The following DACH1 variants were observed in gnomAD, a reference collection of about 807,000 sequenced individuals.
DACH1 encodes the protein dachshund family transcription factor 1.
DACH1 carries 12 observed loss-of-function variants against 54.2 expected under a neutral mutation model. That is an observed-to-expected ratio of 0.22 (90% CI 0.14 to 0.36). The LOEUF (loss-of-function observed/expected upper bound fraction) is 0.36, where lower values mean the gene tolerates loss of function less well. DACH1 is among the 10% of genes least tolerant of loss of function. The probability of loss-of-function intolerance (pLI) is 1.00; values close to 1 mark genes in which losing one functional copy is unlikely to be tolerated. For missense variants in DACH1, 805 were observed against 929.8 expected (o/e 0.87, Z 1.75); for synonymous variants, 386 against 366.2 (o/e 1.05, Z -0.62).
At chr13:71,535,769 T>C (rs1318192499) in intron 6 of DACH1, among the ~76,000 whole-genome samples, 1 of 152,030 alleles carries the variant, frequency 6.6e-6, no homozygotes, top group African/African-American at 2.4e-5. Context: ...CAACTGGAAA[T>C]ATTTGTATAA....
intron 1 of DACH1, among the ~76,000 whole-genome samples, chr13:71,823,041 C>T (rs373697060): frequency 3.3e-5 from 5 of 151,928 alleles, no homozygotes; most frequent in East Asian, 1.9e-4. Context: ...AACACAAAAG[C>T]GGTGGCATGC....
intron 3 of DACH1, among the ~76,000 whole-genome samples, chr13:71,598,742 T>C (rs552126818): frequency 1.3e-4 from 20 of 152,342 alleles, no homozygotes; most frequent in Admixed American, 1.2e-3. Context: ...TCTTTCAAAT[T>C]GAACTATCAT....
intron 1 of DACH1, among the ~76,000 whole-genome samples, chr13:71,785,465 C>A (rs191871664): frequency 8.5e-5 from 13 of 152,202 alleles, no homozygotes; most frequent in Admixed American, 8.5e-4. Flanking sequence ...CATTGCTAAC[C>A]AGTTTTAAGA....
chr13:71,697,516 A>G (rs1461374261), intron 1 of DACH1, among the ~76,000 whole-genome samples: 1 of 152,228 alleles, frequency 6.6e-6, no homozygotes, highest in Non-Finnish European at 1.5e-5. Context: ...AGAATCATCC[A>G]TAAATTTTTC....
At chr13:71,508,009 T>A (rs1209423492) in intron 6 of DACH1, among the ~76,000 whole-genome samples, 1 of 152,182 alleles carries the variant, frequency 6.6e-6, no homozygotes, top group East Asian at 1.9e-4. Flanking sequence ...ATTAAAAGAA[T>A]GCTTTTCTGA....
chr13:71,599,521 A>G (rs1005009447), intron 3 of DACH1, among the ~76,000 whole-genome samples: 1 of 152,110 alleles, frequency 6.6e-6, no homozygotes, highest in East Asian at 1.9e-4. Context: ...TAAGAGAGAC[A>G]CTCAAAGCTA....
At chr13:71,491,801 T>C (rs1879003793) in intron 6 of DACH1, among the ~76,000 whole-genome samples, 1 of 152,142 alleles carries the variant, frequency 6.6e-6, no homozygotes. Flanking sequence ...GATTGTAATA[T>C]TGGGACCATG....
At chr13:71,794,569 G>T (rs748307274) in intron 1 of DACH1, among the ~76,000 whole-genome samples, 2 of 152,010 alleles carry the variant, frequency 1.3e-5, no homozygotes, top group African/African-American at 4.8e-5. Context: ...TCTCATACAG[G>T]TGGGATTACA....
chr13:71,795,235 G>A (rs1357127640), intron 1 of DACH1, among the ~76,000 whole-genome samples: 2 of 151,836 alleles, frequency 1.3e-5, no homozygotes, highest in Admixed American at 6.6e-5. Context: ...GACACTAATG[G>A]GCCTCAAGTA....
chr13:71,828,259 A>G (rs1278863797), intron 1 of DACH1, among the ~76,000 whole-genome samples: 2 of 152,026 alleles, frequency 1.3e-5, no homozygotes, highest in Non-Finnish European at 2.9e-5. Context: ...TCTGAGGATC[A>G]GGAAACCACA....
At chr13:71,731,327 T>C (rs1883735306) in intron 1 of DACH1, among the ~76,000 whole-genome samples, 2 of 149,854 alleles carry the variant, frequency 1.3e-5, no homozygotes, top group Non-Finnish European at 3.0e-5. Flanking sequence ...AGTCTCGCTC[T>C]GTCGCCCAGG....
At chr13:71,518,575 T>G (rs1046837498) in intron 6 of DACH1, among the ~76,000 whole-genome samples, 10 of 151,864 alleles carry the variant, frequency 6.6e-5, no homozygotes, top group Admixed American at 6.6e-4. Context: ...TTTCCTTTGC[T>G]TTCAAAATAA....
At chr13:71,521,053 G>T (rs1469638818) in intron 6 of DACH1, among the ~76,000 whole-genome samples, 1 of 151,964 alleles carries the variant, frequency 6.6e-6, no homozygotes, top group East Asian at 1.9e-4. Context: ...CAAAGAGCAT[G>T]GGCTCTGGAG....
intron 4 of DACH1, 103 bp from the exon 5 acceptor site, chr13:71,560,058 A>T: frequency 3.2e-6 from 4 of 1,254,318 alleles, no homozygotes; most frequent in Non-Finnish European, 3.2e-6. Context: ...AAATGTAAAG[A>T]GAATAAACAC....
At chr13:71,805,203 T>C (rs1660118511) in intron 1 of DACH1, among the ~76,000 whole-genome samples, 1 of 152,056 alleles carries the variant, frequency 6.6e-6, no homozygotes. Flanking sequence ...GTTTATACAT[T>C]TGTATACAAT....
At chr13:71,444,019 T>G (rs1462551061) in intron 10 of DACH1, among the ~76,000 whole-genome samples, 1 of 152,142 alleles carries the variant, frequency 6.6e-6, no homozygotes, top group African/African-American at 2.4e-5. Flanking sequence ...TTTTCTCACT[T>G]ACATTATATG....
At chr13:71,782,898 G>T (rs1005880865) in intron 1 of DACH1, among the ~76,000 whole-genome samples, 1 of 151,986 alleles carries the variant, frequency 6.6e-6, no homozygotes, top group African/African-American at 2.4e-5. Context: ...TTTCTTCAAA[G>T]TAAGAAGATT....
chr13:71,665,601 G>A (rs908758789), intron 2 of DACH1, among the ~76,000 whole-genome samples: 5 of 152,022 alleles, frequency 3.3e-5, no homozygotes, highest in Non-Finnish European at 5.9e-5. Flanking sequence ...AATACATGCA[G>A]TGGTGCTGTA....
At chr13:71,834,365 A>G (rs1483420291) in intron 1 of DACH1, among the ~76,000 whole-genome samples, 1 of 152,062 alleles carries the variant, frequency 6.6e-6, no homozygotes, top group Non-Finnish European at 1.5e-5. Flanking sequence ...CCAGAAATGG[A>G]AAACGTGATT....
Sources: allele counts gnomAD v4.1 joint callset (sites outside exome capture counted in the v4.1 genomes callset), GRCh38; gene constraint gnomAD v4.1.1; transcripts MANE v1.5; gene names NCBI Gene and HGNC (gene_info 2026-07-23, HGNC 2026-07-21).